SETBP1: variants seen among roughly 807,000 people sequenced by gnomAD.
SETBP1 encodes the protein SET-binding protein.
A neutral mutation model predicts 101.0 loss-of-function variants in SETBP1; 9 were observed. That is an observed-to-expected ratio of 0.09 (90% CI 0.05 to 0.16). The LOEUF (loss-of-function observed/expected upper bound fraction) is 0.16. Among genes scored for constraint, SETBP1 ranks in the 10% least tolerant of loss-of-function variants. The pLI is 1.00. For synonymous variants in SETBP1, 818 were observed against 788.5 expected (o/e 1.04, Z -0.63); for missense variants, 1,858 against 2,033.8 (o/e 0.91, Z 1.66).
chr18:44,920,042 G>A (rs546383329), intron 3 of SETBP1, among the ~76,000 whole-genome samples: 31 of 152,172 alleles, frequency 2.0e-4, no homozygotes, highest in African/African-American at 7.0e-4. Flanking sequence ...CTTCAGACTG[G>A]GTAATTTATA....
chr18:44,859,129 A>G (rs968431008), intron 2 of SETBP1, among the ~76,000 whole-genome samples: 6 of 152,152 alleles, frequency 3.9e-5, no homozygotes, highest in African/African-American at 7.2e-5. Context: ...GAGAAGATAC[A>G]CATGATAATT....
intron 2 of SETBP1, among the ~76,000 whole-genome samples, chr18:44,796,959 G>A (rs1372721165): frequency 6.6e-6 from 1 of 151,906 alleles, no homozygotes; most frequent in Non-Finnish European, 1.5e-5. Flanking sequence ...CTGGACTTCC[G>A]CCTACCTGAA....
At chr18:45,008,358 C>G (rs1304161773) in intron 4 of SETBP1, among the ~76,000 whole-genome samples, 1 of 152,158 alleles carries the variant, frequency 6.6e-6, no homozygotes, top group East Asian at 1.9e-4. Flanking sequence ...GTATGTCCAT[C>G]ATGAATCTGA....
chr18:44,809,585 C>G (rs1469920276), intron 2 of SETBP1, among the ~76,000 whole-genome samples: 1 of 152,124 alleles, frequency 6.6e-6, no homozygotes, highest in Non-Finnish European at 1.5e-5. Context: ...TTTCTGGATC[C>G]AGGGAAGAGG....
chr18:44,768,888 T>C (rs567432302), intron 2 of SETBP1, among the ~76,000 whole-genome samples: 33 of 152,222 alleles, frequency 2.2e-4, no homozygotes, highest in Non-Finnish European at 4.0e-4. Context: ...CAGTGGGTGA[T>C]AGAGTGGAAT....
chr18:45,036,027 T>C (rs1478816002), intron 4 of SETBP1, among the ~76,000 whole-genome samples: 3 of 152,182 alleles, frequency 2.0e-5, no homozygotes, highest in Non-Finnish European at 4.4e-5. Flanking sequence ...TTTTTAAATA[T>C]TAACAATAAA....
At chr18:45,027,804 T>G (rs1243623096) in intron 4 of SETBP1, among the ~76,000 whole-genome samples, 1 of 152,178 alleles carries the variant, frequency 6.6e-6, no homozygotes, top group Non-Finnish European at 1.5e-5. Flanking sequence ...CTTTCAGTAT[T>G]GGAGGACAGA....
rs1027479042 is a variant in SETBP1 at position 44,790,937 on chromosome 18, A to T, written c.487-78293A>T. Among the ~76,000 whole-genome samples the T allele has an allele frequency of 5.3e-5, 8 of 152,356 alleles. No homozygotes were observed. In the East Asian group the frequency reaches 1.5e-3, roughly 29 times the overall value. On this transcript the variant is annotated intron_variant, in intron 2 of 5. Transcript: ENST00000649279. The stretch of plus-strand genomic sequence containing the variant: ...ATGAGAGCAGTTGTCTATTTAAAAA[A>T]ATTATTAAAAATATGCTTTTTTCAG...
chr18:44,869,796 G>A (rs1188573636), intron 3 of SETBP1: 7 of 210,498 alleles, frequency 3.3e-5, no homozygotes, highest in African/African-American at 6.8e-5. Context: ...CCAGAGTGGT[G>A]TTTGGAGGTT....
At chr18:45,011,555 A>C (rs2072838773) in intron 4 of SETBP1, among the ~76,000 whole-genome samples, 1 of 152,232 alleles carries the variant, frequency 6.6e-6, no homozygotes, top group South Asian at 2.1e-4. Context: ...CCTGCTCAGC[A>C]TAATACTTGA....
intron 5 of SETBP1, among the ~76,000 whole-genome samples, chr18:45,058,717 G>A (rs976121531): frequency 6.6e-6 from 1 of 152,214 alleles, no homozygotes; most frequent in African/African-American, 2.4e-5. Flanking sequence ...AAATTCAGAT[G>A]TTTGGTAGAT....
At chr18:44,877,476 T>G (rs1358046523) in intron 3 of SETBP1, 3 of 678,672 alleles carry the variant, frequency 4.4e-6, no homozygotes, top group African/African-American at 3.9e-5. Flanking sequence ...GGAATAATGT[T>G]CACCCTCCAA....
At chr18:44,897,738 G>A (rs574962134) in intron 3 of SETBP1, among the ~76,000 whole-genome samples, 1 of 152,290 alleles carries the variant, frequency 6.6e-6, no homozygotes, top group South Asian at 2.1e-4. Flanking sequence ...GGGGCAAAAC[G>A]AGGCCATCTT....
chr18:45,013,523 T>C (rs566946309), intron 4 of SETBP1, among the ~76,000 whole-genome samples: 67 of 152,206 alleles, frequency 4.4e-4, no homozygotes, highest in Middle Eastern at 3.4e-3. Context: ...CATCGCAACT[T>C]CTGCCTCCCG....
chr18:44,912,948 C>A (rs2070346975), intron 3 of SETBP1, among the ~76,000 whole-genome samples: 1 of 152,142 alleles, frequency 6.6e-6, no homozygotes. Context: ...TGGCACCTCT[C>A]TTCAGTGTCA....
At chr18:44,783,376 C>T (rs1163167469) in intron 2 of SETBP1, among the ~76,000 whole-genome samples, 1 of 152,144 alleles carries the variant, frequency 6.6e-6, no homozygotes, top group East Asian at 1.9e-4. Context: ...GGGGTTGCTT[C>T]TTCCACTGCA....
intron 2 of SETBP1, among the ~76,000 whole-genome samples, chr18:44,813,949 G>C (rs1438228461): frequency 6.6e-6 from 1 of 152,170 alleles, no homozygotes; most frequent in Non-Finnish European, 1.5e-5. Flanking sequence ...TGAATCTGCA[G>C]GTCCTTTGGT....
intron 3 of SETBP1, chr18:44,876,623 T>C: frequency 6.4e-7 from 1 of 1,551,512 alleles, no homozygotes; most frequent in African/African-American, 1.4e-5. Context: ...GGCATCCCAT[T>C]CAAAAAGCAA....
intron 3 of SETBP1, among the ~76,000 whole-genome samples, chr18:44,872,425 T>C (rs1282021529): frequency 1.3e-5 from 2 of 152,224 alleles, no homozygotes; most frequent in Non-Finnish European, 2.9e-5. Flanking sequence ...TATATGCTTT[T>C]TTGTTACCTT....
Sources: gnomAD v4.1 joint callset for allele counts (sites outside exome capture counted in the v4.1 genomes callset) on GRCh38, gnomAD v4.1.1 for gene constraint, MANE v1.5 for transcripts, NCBI Gene and HGNC (gene_info 2026-07-23, HGNC 2026-07-21) for gene names.